The following C3orf18 variants were observed in gnomAD, a reference collection of about 807,000 sequenced individuals.
The protein encoded by C3orf18 is uncharacterized protein C3orf18.
In C3orf18, 12 loss-of-function variants were observed where a neutral mutation model predicts 14.1. That is an observed-to-expected ratio of 0.85 (90% CI 0.55 to 1.38). C3orf18 has a LOEUF of 1.38. C3orf18 is among the 40% of genes most tolerant of loss of function. The pLI is 0.00. For synonymous variants in C3orf18, 82 were observed against 87.9 expected (o/e 0.93, Z 0.38); for missense variants, 196 against 213.9 (o/e 0.92, Z 0.52).
chr3:50,559,460 G>C lies in C3orf18; in HGVS notation c.*197C>G. The C allele has an allele frequency of 7.1e-7, 1 of 1,414,490 alleles. No individual in the cohort carries two copies. 87.6% of individuals were successfully genotyped at this position (1,414,490 alleles called of 1,614,324 possible). A position where few individuals can be genotyped will look rare whatever the true frequency, so the allele number is the denominator to read the frequency against. On this transcript the variant is annotated 3_prime_UTR_variant, in exon 6 of 6. Transcript: ENST00000357203. ...TCAGGTCAGGAGAAGTCAGTGGTCA[G>C]AAGTCCAGCCTGGCTAGGGCCCTCT... is the stretch of plus-strand genomic sequence containing the variant.
At chr3:50,569,344 G>A (rs1229451177), upstream of C3orf18, 1 of 152,314 alleles carries the variant, frequency 6.6e-6, no homozygotes, top group East Asian at 1.9e-4. Flanking sequence ...CGAGCGTAGA[G>A]GGAGTGGAAT....
chr3:50,559,868 C>A, intron 5 of C3orf18, 131 bp from the exon 6 acceptor site: 1 of 547,794 alleles, frequency 1.8e-6, no homozygotes, highest in East Asian at 3.4e-5. Flanking sequence ...CCTGGAATGC[C>A]CTCCCTGCAA....
rs1357958915 is a variant in C3orf18 at position 50,559,307 on chromosome 3, C to T, written c.*350G>A. 2.0e-5 allele frequency: 25 copies of T among 1,247,964 alleles called. No homozygotes were observed. Among genetic ancestry groups the T allele is most frequent in the Non-Finnish European group, 2.4e-5 (23 of 977,968 alleles). 77.3% of individuals were successfully genotyped at this position (1,247,964 alleles called of 1,614,324 possible). On this transcript the variant is annotated 3_prime_UTR_variant, in exon 6 of 6. Coordinates refer to ENST00000357203, the MANE Select transcript of C3orf18 (RefSeq NM_016210.5). ...TTTCCTCCCCCAATCCCTCCCACTC[C>T]GTATCTCCCTCATTTCCTCCACATT...
chr3:50,559,208 T>C lies in C3orf18; in HGVS notation c.*449A>G. 1 of 1,289,640 alleles carries C rather than the reference T, an allele frequency of 7.8e-7. No homozygotes were observed. The highest frequency in any genetic ancestry group is 1.2e-5 in the South Asian group (1 of 80,916). The allele number at this position is 1,289,640 out of a possible 1,614,324, so 79.9% of individuals were successfully genotyped here. ...TACCCTGTCCCTATAACTTGGGTGG[T>C]TTCCTCTCCCCACCCCAGAGGAGGC... On this transcript the variant is annotated 3_prime_UTR_variant, in exon 6 of 6. Coordinates refer to ENST00000357203, the MANE Select transcript of C3orf18 (RefSeq NM_016210.5).
chr3:50,565,316 G>A lies in C3orf18; in HGVS notation c.234+150C>T. The A allele has an allele frequency of 1.5e-6, 1 of 647,710 alleles. No individual in the cohort carries two copies. Among genetic ancestry groups the A allele is most frequent in the Non-Finnish European group, 2.7e-6 (1 of 370,114 alleles). 40.1% of individuals were successfully genotyped at this position (647,710 alleles called of 1,614,324 possible). ...CCAGAGGTGGAGGTTGCAGTGAGCT[G>A]AGATCAAGCCATTGCACTCCAGCCT... On this transcript the variant is annotated intron_variant, in intron 3 of 5. Transcript: ENST00000357203. This position sits in a 1 kb window ranked among gnomAD's most constrained non-coding sequence, Gnocchi z 4.4.
upstream of C3orf18, chr3:50,571,318 C>A (rs1315615364): frequency 2.5e-6 from 4 of 1,593,954 alleles, no homozygotes; most frequent in Admixed American, 7.0e-5. Flanking sequence ...GGCTCATGTC[C>A]TTGGAGCCAA....
chr3:50,558,532 A>C lies in C3orf18; in HGVS notation c.*1125T>G, dbSNP rs546315233. 4.7e-6 allele frequency: 2 copies of C among 423,938 alleles called. No homozygotes were observed. The highest frequency in any genetic ancestry group is 8.2e-6 in the Non-Finnish European group (2 of 243,094). The allele number at this position is 423,938 out of a possible 1,614,324, so 26.3% of individuals were successfully genotyped here. On this transcript the variant is annotated 3_prime_UTR_variant, in exon 6 of 6. Coordinates refer to ENST00000357203, the MANE Select transcript of C3orf18 (RefSeq NM_016210.5). ...ATGGAGGTGGGGAATTCAAACATAGACTAAGTTTTTTAGATGTTTTTCTGA... is the reference window on the plus strand; with the variant it reads ...ATGGAGGTGGGGAATTCAAACATAGCCTAAGTTTTTTAGATGTTTTTCTGA...
chr3:50,573,715 G>C (rs1212155695), upstream of C3orf18, among the ~76,000 whole-genome samples: 1 of 152,262 alleles, frequency 6.6e-6, no homozygotes, highest in Non-Finnish European at 1.5e-5. Flanking sequence ...AAGAACTCAA[G>C]AGGACGTGGC....
chr3:50,561,611 G>C (rs1443932499), intron 4 of C3orf18, 111 bp downstream of exon 4: 1 of 1,069,222 alleles, frequency 9.4e-7, no homozygotes, highest in Admixed American at 1.8e-5. Context: ...GAATGGGCAG[G>C]ACAGGCCTTG....
upstream of C3orf18, chr3:50,571,503 A>T (rs1158343913): frequency 3.4e-5 from 23 of 672,934 alleles, no homozygotes; most frequent in Admixed American, 6.4e-4. Context: ...ATGAATGAAT[A>T]TATCTCTGCC....
chr3:50,559,535 C>T lies in C3orf18; in HGVS notation c.*122G>A. On this transcript the variant is annotated 3_prime_UTR_variant, in exon 6 of 6. Coordinates refer to ENST00000357203, the MANE Select transcript of C3orf18 (RefSeq NM_016210.5). ...GGTCTGGAGAACAGCTAGGACCTGG[C>T]TCAGCCCTCTTGTGTCTTGGCAGGG... 6.9e-7 allele frequency: 1 copy of T among 1,440,232 alleles called. No individual in the cohort carries two copies. 89.2% of individuals were successfully genotyped at this position (1,440,232 alleles called of 1,614,324 possible). A position where few individuals can be genotyped will look rare whatever the true frequency, so the allele number is the denominator to read the frequency against.
upstream of C3orf18, among the ~76,000 whole-genome samples, chr3:50,573,098 C>T (rs1701198430): frequency 6.6e-6 from 1 of 152,224 alleles, no homozygotes; most frequent in Non-Finnish European, 1.5e-5. Flanking sequence ...ACTCTCTGAC[C>T]CCTCTCCTCT....
At position 50,559,428 on chromosome 3, in the gene C3orf18, A is replaced by C; in HGVS notation, c.*229T>G. 1 of 1,396,214 alleles carries C rather than the reference A, an allele frequency of 7.2e-7. No individual in the cohort carries two copies. Among genetic ancestry groups the C allele is most frequent in the Non-Finnish European group, 9.3e-7 (1 of 1,074,986 alleles). 86.5% of individuals were successfully genotyped at this position (1,396,214 alleles called of 1,614,324 possible). On this transcript the variant is annotated 3_prime_UTR_variant, in exon 6 of 6. Coordinates refer to ENST00000357203, the MANE Select transcript of C3orf18 (RefSeq NM_016210.5). ...CAGCATGAGGGATGCCCTCTGTGCC[A>C]GGGCCCTCAGGTCAGGAGAAGTCAG...
In C3orf18 at chr3:50,558,715, C is replaced by G; in HGVS notation, c.*942G>C. The G allele has an allele frequency of 7.8e-7, 1 of 1,289,450 alleles. No homozygotes were observed. Among genetic ancestry groups the G allele is most frequent in the Non-Finnish European group, 1.0e-6 (1 of 988,618 alleles). The allele number at this position is 1,289,450 out of a possible 1,614,324, so 79.9% of individuals were successfully genotyped here. A position where few individuals can be genotyped will look rare whatever the true frequency, so the allele number is the denominator to read the frequency against. Reference sequence around the variant, plus strand: ...TCAGAAGCAGGTGAGCCCAGTGAAACAATGCAGTGGAGAGAGGAACCGTGC... The same window carrying G: ...TCAGAAGCAGGTGAGCCCAGTGAAAGAATGCAGTGGAGAGAGGAACCGTGC... On this transcript the variant is annotated 3_prime_UTR_variant, in exon 6 of 6. Coordinates refer to ENST00000357203, the MANE Select transcript of C3orf18 (RefSeq NM_016210.5).
intron 3 of C3orf18, chr3:50,562,565 G>T: frequency 2.2e-6 from 1 of 455,882 alleles, no homozygotes. Context: ...AGTCCAGCCT[G>T]GGCAACATAC....
At chr3:50,573,922 TGCTGTGAG>T (rs1384982904), upstream of C3orf18, among the ~76,000 whole-genome samples, 2 of 152,228 alleles carry the variant, frequency 1.3e-5, no homozygotes, top group Non-Finnish European at 2.9e-5. Flanking sequence ...TCACCCAGCC[TGCTGTGAG>T]GCTGTACAGG....
At chr3:50,574,026 C>T (rs925813001), upstream of C3orf18, among the ~76,000 whole-genome samples, 2 of 152,178 alleles carry the variant, frequency 1.3e-5, no homozygotes, top group African/African-American at 4.8e-5. Flanking sequence ...GGATGCCATC[C>T]TAATAGAGGG....
At chr3:50,566,922 G>A (rs1037458751) in intron 1 of C3orf18, among the ~76,000 whole-genome samples, 2 of 152,200 alleles carry the variant, frequency 1.3e-5, no homozygotes, top group African/African-American at 4.8e-5. Context: ...AGGGAGAGGA[G>A]GGATACCTAG....
chr3:50,571,010 G>A, upstream of C3orf18: 1 of 903,060 alleles, frequency 1.1e-6, no homozygotes. Flanking sequence ...CACCCAGCTG[G>A]GTCCAGGGGC....
Sources: allele counts gnomAD v4.1 joint callset (sites outside exome capture counted in the v4.1 genomes callset), GRCh38; gene constraint gnomAD v4.1.1; non-coding constraint Gnocchi (gnomAD v3.1); transcripts MANE v1.5; gene names NCBI Gene and HGNC (gene_info 2026-07-23, HGNC 2026-07-21).